STRIP2: variants seen among roughly 807,000 people sequenced by gnomAD.
The protein encoded by STRIP2 is striatin-interacting protein 2.
STRIP2 carries 84 observed loss-of-function variants against 107.1 expected under a neutral mutation model. The observed-to-expected ratio is 0.78, with a 90% CI of 0.66 to 0.94. The LOEUF is 0.94. Ranked by LOEUF, STRIP2 falls within the 40% of genes least tolerant of loss-of-function variation. The pLI is 0.00. For synonymous variants in STRIP2, 394 were observed against 400.4 expected (o/e 0.98, Z 0.19); for missense variants, 888 against 1,034.2 (o/e 0.86, Z 1.94).
In STRIP2 at chr7:129,437,524, G is replaced by GTT. The variant is rs755711047; in HGVS notation, c.130-2496_130-2495dup. ...AATATTTTGTTAAACTTTTGTTCCAGTTTGTGTGTGTGTGTGTGTGTGCTG... is the reference window on the plus strand; with the variant it reads ...AATATTTTGTTAAACTTTTGTTCCAGTTTTTGTGTGTGTGTGTGTGTGTGCTG... On this transcript the variant is annotated intron_variant, in intron 1 of 20. Transcript: ENST00000249344. Among the ~76,000 whole-genome samples the GTT allele has an allele frequency of 9.3e-3, 1,415 of 151,698 alleles. 14 individuals carry two copies. The highest frequency in any genetic ancestry group is 0.02 in the Admixed American group (312 of 15,238).
intron 19 of STRIP2, 58 bp downstream of exon 19, chr7:129,480,947 A>G: frequency 7.5e-7 from 1 of 1,339,934 alleles, no homozygotes; most frequent in Non-Finnish European, 1.1e-6. Flanking sequence ...TTAAAAGATC[A>G]CTAGTAAATA....
At chr7:129,472,804 T>TTTTTTG (rs1562914059) in intron 18 of STRIP2, among the ~76,000 whole-genome samples, 20 of 136,690 alleles carry the variant, frequency 1.5e-4, no homozygotes, top group Non-Finnish European at 3.0e-4. Context: ...TTTTTTTTTT[T>TTTTTTG]GAGACAGAGT....
chr7:129,442,924 T>C (rs936157861), intron 2 of STRIP2, among the ~76,000 whole-genome samples: 1 of 152,234 alleles, frequency 6.6e-6, no homozygotes, highest in Non-Finnish European at 1.5e-5. Context: ...TTCTATCATC[T>C]GTTGACTTCT....
At chr7:129,451,791 G>A in intron 4 of STRIP2, 44 bp downstream of exon 4, 11 of 1,610,474 alleles carry the variant, frequency 6.8e-6, no homozygotes, top group Non-Finnish European at 9.3e-6. Context: ...GGAGGCTTGA[G>A]AGGGAAGTGG....
rs1381682286 is a variant in STRIP2, at chr7:129,458,368, G to A, written c.1192G>A (p.Val398Met). 6.2e-7 allele frequency: 1 copy of A among 1,613,992 alleles called. No individual in the cohort carries two copies. Among genetic ancestry groups the A allele is most frequent in the Admixed American group, 1.7e-5 (1 of 59,982 alleles). ...ELDLLEQDPLVPPPPSQAPLS... is the reference protein window; with the variant it reads ...ELDLLEQDPLMPPPPSQAPLS... ...AGACCTGCTAGAGCAGGACCCTCTG[G>A]TGCCACCTCCACCCTCACAGGCACC... Residue 398 changes from valine to methionine, a missense_variant, in exon 10 of 21, where the codon GTG (valine) becomes ATG (methionine). Transcript: ENST00000249344. The surrounding 1 kb of genome is among the most constrained non-coding windows in gnomAD (Gnocchi z 4.6).
Position 129,444,110 on chromosome 7 carries a change from TCTTTACTC to T in STRIP2, c.274+13_274+20del, listed in dbSNP as rs1364705846. On this transcript the variant is annotated intron_variant, in intron 3 of 20. Transcript: ENST00000249344. ...TTTCAAGACTCAAGGTAATTCCAGA[TCTTTACTC>T]ATAGAGACCTGCTTTTTCCTTTTAT... 1 of 1,602,864 alleles carries T rather than the reference TCTTTACTC, an allele frequency of 6.2e-7. No individual in the cohort carries two copies. Among genetic ancestry groups the T allele is most frequent in the Non-Finnish European group, 8.5e-7 (1 of 1,170,588 alleles).
At chr7:129,477,973 A>C (rs913287973) in intron 18 of STRIP2, 9 of 513,762 alleles carry the variant, frequency 1.8e-5, no homozygotes, top group African/African-American at 9.8e-5. Flanking sequence ...TATTGTGGGG[A>C]TTTGATCCCT....
At position 129,455,379 on chromosome 7, in the gene STRIP2, A is replaced by G. The variant is rs766050432; in HGVS notation, c.834+8A>G. On this transcript the variant is annotated splice_region_variant and intron_variant, in intron 8 of 20. Transcript: ENST00000249344. ...CTCTGGAAGGTGGTCATGGTGAGTA[A>G]TTCTCCCCACTCCCACATTATCAGA... is the stretch of plus-strand genomic sequence containing the variant. 1.5e-5 allele frequency: 24 copies of G among 1,610,724 alleles called. No homozygotes were observed. In the South Asian group the frequency reaches 2.4e-4, roughly 16 times the overall value.
At position 129,485,676 on chromosome 7, in the gene STRIP2, CTCTGAGTTT is replaced by C; in HGVS notation, c.2355_2363del (p.Glu786_Ser788del). 1 of 1,614,074 alleles carries C rather than the reference CTCTGAGTTT, an allele frequency of 6.2e-7. No individual in the cohort carries two copies. Among genetic ancestry groups the C allele is most frequent in the Non-Finnish European group, 8.5e-7 (1 of 1,180,032 alleles). Reference sequence around the variant, plus strand: ...GCCGTCGCTATGACAGACCCCAGGACTCTGAGTTTTCACCTGTGGATAACTGCTTGCAGA... The same window carrying C: ...GCCGTCGCTATGACAGACCCCAGGACTCACCTGTGGATAACTGCTTGCAGA... On this transcript the variant is annotated inframe_deletion, in exon 21 of 21. Coordinates refer to ENST00000249344, the MANE Select transcript of STRIP2 (RefSeq NM_020704.3).
chr7:129,485,883 G>T lies in STRIP2; in HGVS notation c.*54G>T. ...ATAGAGGTCAGCTCCAATAAACTGT[G>T]CTCTGCCTACCCTGTCCATACAGGC... On this transcript the variant is annotated 3_prime_UTR_variant, in exon 21 of 21. Coordinates refer to ENST00000249344, the MANE Select transcript of STRIP2 (RefSeq NM_020704.3). 6.2e-7 allele frequency: 1 copy of T among 1,600,606 alleles called. No individual in the cohort carries two copies. Among genetic ancestry groups the T allele is most frequent in the Non-Finnish European group, 8.5e-7 (1 of 1,173,908 alleles).
intron 1 of STRIP2, among the ~76,000 whole-genome samples, chr7:129,438,106 A>G (rs1189905655): frequency 2.0e-5 from 3 of 152,282 alleles, no homozygotes; most frequent in South Asian, 2.1e-4. Flanking sequence ...CGCCCGGCCA[A>G]TTTGCTTTGT....
intron 1 of STRIP2, among the ~76,000 whole-genome samples, chr7:129,437,875 G>A (rs1181361921): frequency 2.0e-5 from 3 of 148,642 alleles, no homozygotes; most frequent in Non-Finnish European, 3.0e-5. Context: ...GCGCAAACTC[G>A]GCTCACTGCA....
chr7:129,470,554 C>A, intron 17 of STRIP2, 95 bp from the exon 18 acceptor site: 2 of 1,015,562 alleles, frequency 2.0e-6, no homozygotes, highest in Non-Finnish European at 1.5e-6. Flanking sequence ...TGGATAGGGG[C>A]TGCTGGAGAG....
At chr7:129,481,014 T>G (rs1203859996) in intron 19 of STRIP2, 125 bp downstream of exon 19, 2 of 651,322 alleles carry the variant, frequency 3.1e-6, no homozygotes, top group African/African-American at 1.9e-5. Flanking sequence ...CTACATAAGA[T>G]TTAGCACCTC....
rs1353274168 is a variant in STRIP2, at chr7:129,488,117, G to A, written c.*2288G>A. 1 of 152,158 alleles carries A rather than the reference G, an allele frequency of 6.6e-6. No homozygotes were observed. Among genetic ancestry groups the A allele is most frequent in the Non-Finnish European group, 1.5e-5 (1 of 68,040 alleles). 9.4% of individuals were successfully genotyped at this position (152,158 alleles called of 1,614,324 possible). ...CCATGTATGGGTTGCAGTGAGCCGA[G>A]ATCATGCCACTGCACTCCATCCTGG... On this transcript the variant is annotated 3_prime_UTR_variant, in exon 21 of 21. Coordinates refer to ENST00000249344, the MANE Select transcript of STRIP2 (RefSeq NM_020704.3).
chr7:129,483,068 G>T lies in STRIP2; in HGVS notation c.2254+22G>T. 2 of 1,611,660 alleles carry T rather than the reference G, an allele frequency of 1.2e-6. No individual in the cohort carries two copies. Among genetic ancestry groups the T allele is most frequent in the African/African-American group, 1.3e-5 (1 of 74,972 alleles). ...AATGGTGAGTCTTCCCAAAGCTCTT[G>T]ACTTCCTGGAGTTTCCTGGGGTTTA... On this transcript the variant is annotated intron_variant, in intron 20 of 20. Transcript: ENST00000249344. The surrounding 1 kb of genome is among the most constrained non-coding windows in gnomAD (Gnocchi z 5.1).
chr7:129,439,907 C>T, intron 1 of STRIP2, 115 bp from the exon 2 acceptor site: 1 of 808,158 alleles, frequency 1.2e-6, no homozygotes, highest in Non-Finnish European at 2.1e-6. Context: ...CTAACTGTCT[C>T]CCTGATCTAA....
intron 1 of STRIP2, 89 bp downstream of exon 1, chr7:129,434,690 C>T: frequency 7.4e-7 from 1 of 1,355,250 alleles, no homozygotes; most frequent in Non-Finnish European, 9.5e-7. Flanking sequence ...GGCCCCGGAG[C>T]CCTCGGCGCG....
intron 18 of STRIP2, among the ~76,000 whole-genome samples, chr7:129,478,631 C>T (rs937607336): frequency 1.3e-5 from 2 of 152,134 alleles, no homozygotes; most frequent in African/African-American, 2.4e-5. Context: ...TTAAAAAGAA[C>T]GAGGCAGTTC....
Sources: allele counts gnomAD v4.1 joint callset (sites outside exome capture counted in the v4.1 genomes callset), GRCh38; gene constraint gnomAD v4.1.1; non-coding constraint Gnocchi (gnomAD v3.1); transcripts MANE v1.5; gene names NCBI Gene and HGNC (gene_info 2026-07-23, HGNC 2026-07-21).